PKHD1L1: variants seen among roughly 807,000 people sequenced by gnomAD.
PKHD1L1 encodes the protein fibrocystin-L.
PKHD1L1 carries 434 observed loss-of-function variants against 462.9 expected under a neutral mutation model. The observed-to-expected ratio is 0.94, with a 90% confidence interval of 0.87 to 1.02. The LOEUF (loss-of-function observed/expected upper bound fraction) is 1.02, where lower values mean the gene tolerates loss of function less well. Ranked by LOEUF, PKHD1L1 falls within the 50% of genes least tolerant of loss-of-function variation. The pLI is 0.00. For missense variants in PKHD1L1, 5,202 were observed against 5,096.1 expected, an observed-to-expected ratio of 1.02 and a Z score of -0.63; for synonymous variants, 1,781 against 1,750.0, an observed-to-expected ratio of 1.02 and a Z score of -0.44.
chr8:109,526,967 T>G lies in PKHD1L1; in HGVS notation c.12668T>G (p.Met4223Arg), dbSNP rs765897402. Residue 4223 changes from methionine to arginine, a missense_variant, in exon 77 of 78, where the codon ATG (methionine) becomes AGG (arginine). Met to Arg is a moderately conservative substitution (Grantham distance 91). Around this residue, in one of 3 missense-constraint regions of PKHD1L1, gnomAD observed 698 missense variants for 736.3 expected, o/e 0.95. Transcript: ENST00000378402. ...GTAATTAGCTGTCTGGTTGGAAGAA[T>G]GTGGCTCTTGGAAATATTTATGGCT... ...TVVISCLVGRMWLLEIFMAAV... is the reference protein window; with the variant it reads ...TVVISCLVGRRWLLEIFMAAV... The G allele has an allele frequency of 7.4e-6, 12 of 1,613,818 alleles. No homozygotes were observed. The highest frequency in any genetic ancestry group is 8.5e-6 in the Non-Finnish European group (10 of 1,179,818).
In PKHD1L1 at chr8:109,364,674, G is replaced by A. The variant is rs752873795; in HGVS notation, c.163+38G>A. 1.4e-5 allele frequency: 17 copies of A among 1,207,316 alleles called. No individual in the cohort carries two copies. The Middle Eastern group carries it at 7.6e-4, about 54-fold the overall frequency. The allele number at this position is 1,207,316 out of a possible 1,614,324, so 74.8% of individuals were successfully genotyped here. On this transcript the variant is annotated intron_variant, in intron 2 of 77. Coordinates refer to ENST00000378402, the MANE Select transcript of PKHD1L1 (RefSeq NM_177531.6). ...TTTTTTTTTTTTTTTTGCCAAGGTT[G>A]AGGTATTTTCAAGCCTATTTCATAT...
intron 23 of PKHD1L1, among the ~76,000 whole-genome samples, chr8:109,423,763 T>G (rs1814595276): frequency 6.6e-6 from 1 of 152,198 alleles, no homozygotes; most frequent in Non-Finnish European, 1.5e-5. Flanking sequence ...GAACACAGTA[T>G]GTCTCTCCAA....
chr8:109,392,574 A>G (rs1247126642), intron 9 of PKHD1L1, among the ~76,000 whole-genome samples: 1 of 152,046 alleles, frequency 6.6e-6, no homozygotes, highest in Non-Finnish European at 1.5e-5. Context: ...GTTTCTGTAT[A>G]AAGTATTCTT....
intron 58 of PKHD1L1, among the ~76,000 whole-genome samples, chr8:109,485,528 C>G (rs1818483204): frequency 6.6e-6 from 1 of 151,910 alleles, no homozygotes; most frequent in Non-Finnish European, 1.5e-5. Context: ...TGGATATAGT[C>G]TTTAGCGGTA....
At chr8:109,511,681 A>G (rs1189203643) in intron 71 of PKHD1L1, among the ~76,000 whole-genome samples, 1 of 152,100 alleles carries the variant, frequency 6.6e-6, no homozygotes, top group African/African-American at 2.4e-5. Flanking sequence ...TTATAGAAGC[A>G]TGATTTATAG....
intron 71 of PKHD1L1, among the ~76,000 whole-genome samples, 197 bp downstream of exon 71, chr8:109,511,131 C>T (rs1239966553): frequency 6.6e-6 from 1 of 152,112 alleles, no homozygotes; most frequent in East Asian, 1.9e-4. Context: ...CCAAGCATCA[C>T]CATCATCCCC....
intron 64 of PKHD1L1, 41 bp from the exon 65 acceptor site, chr8:109,497,109 G>C: frequency 6.2e-7 from 1 of 1,612,740 alleles, no homozygotes; most frequent in South Asian, 1.1e-5. Flanking sequence ...TTTCTTTTAT[G>C]ATTGTCCTTA....
intron 23 of PKHD1L1, among the ~76,000 whole-genome samples, chr8:109,422,796 T>C (rs984529072): frequency 9.2e-5 from 14 of 152,062 alleles, no homozygotes; most frequent in African/African-American, 3.4e-4. Flanking sequence ...AACTACCATA[T>C]TTTTTTTCTG....
chr8:109,400,141 GAATACAATGAAA>G lies in PKHD1L1; in HGVS notation c.1081_1092del (p.Tyr361_Lys364del). The G allele has an allele frequency of 6.2e-7, 1 of 1,612,746 alleles. No individual in the cohort carries two copies. Among genetic ancestry groups the G allele is most frequent in the Non-Finnish European group, 8.5e-7 (1 of 1,179,350 alleles). ...TCCAATACGTTTGGAAGAGATACTG[GAATACAATGAAA>G]AAACGCCTGGGTACATGGGTGCCAG... On this transcript the variant is annotated inframe_deletion, in exon 13 of 78. Coordinates refer to ENST00000378402, the MANE Select transcript of PKHD1L1 (RefSeq NM_177531.6).
At position 109,480,047 on chromosome 8, in the gene PKHD1L1, G is replaced by C. The variant is rs576102309; in HGVS notation, c.9235G>C (p.Gly3079Arg). Reference protein sequence around the residue: ...MPSMERLIIWGVLELEDKYNV... With the variant: ...MPSMERLIIWRVLELEDKYNV... ...ATCAATGGAAAGACTCATTATTTGG[G>C]GGGTTCTAGAACTGGAAGATAAATA... Residue 3079 changes from glycine (G) to arginine (R), a missense_variant, in exon 55 of 78, where the codon GGG (glycine) becomes CGG (arginine). Gly to Arg is a moderately radical substitution (Grantham distance 125). This residue lies in a region of PKHD1L1 where 4,497 missense variants were observed against 4,336.8 expected (regional missense o/e 1.04). Transcript: ENST00000378402. 6.3e-7 allele frequency: 1 copy of C among 1,594,074 alleles called. No individual in the cohort carries two copies. The highest frequency in any genetic ancestry group is 1.2e-5 in the South Asian group (1 of 86,682).
At chr8:109,518,822 G>T in intron 73 of PKHD1L1, among the ~76,000 whole-genome samples, 1 of 152,162 alleles carries the variant, frequency 6.6e-6, no homozygotes, top group Non-Finnish European at 1.5e-5. Flanking sequence ...GATTAAGGAT[G>T]AAGATAGTCA....
intron 2 of PKHD1L1, among the ~76,000 whole-genome samples, chr8:109,378,788 T>G (rs1221338034): frequency 6.6e-6 from 1 of 152,168 alleles, no homozygotes; most frequent in African/African-American, 2.4e-5. Flanking sequence ...CGAAGAGGAC[T>G]TCACTAGTTG....
At chr8:109,369,267 G>A (rs937043488) in intron 2 of PKHD1L1, among the ~76,000 whole-genome samples, 5 of 152,116 alleles carry the variant, frequency 3.3e-5, no homozygotes, top group African/African-American at 4.8e-5. Context: ...GTGAGCCACC[G>A]CACCTGGCCT....
intron 2 of PKHD1L1, among the ~76,000 whole-genome samples, chr8:109,367,385 TG>T (rs1477775455): frequency 6.6e-6 from 1 of 152,370 alleles, no homozygotes; most frequent in East Asian, 1.9e-4. Flanking sequence ...TATTACTTTT[TG>T]AAATGTTTTA....
intron 67 of PKHD1L1, among the ~76,000 whole-genome samples, chr8:109,503,392 T>C (rs746404200): frequency 1.2e-4 from 19 of 152,166 alleles, no homozygotes; most frequent in Non-Finnish European, 2.5e-4. Flanking sequence ...TTGGGTGCAC[T>C]GGCCCAGTAA....
chr8:109,444,679 C>T lies in PKHD1L1; in HGVS notation c.4810C>T (p.Pro1604Ser), dbSNP rs758035422. The T allele has an allele frequency of 3.1e-6, 5 of 1,612,588 alleles. No homozygotes were observed. The East Asian group carries it at 8.9e-5, about 29-fold the overall frequency. The change falls in exon 38 of 78, where the codon CCC becomes TCC. Residue 1604 changes from proline to serine, a missense_variant. Coordinates refer to ENST00000378402, the MANE Select transcript of PKHD1L1 (RefSeq NM_177531.6). ...WANKVTIGSY[P>S]CVVEESSEDS... ...CTTACAGGTTACAATTGGTAGCTAC[C>T]CCTGTGTCGTAGAAGAAAGTAGTGA...
chr8:109,375,004 T>A (rs1373158029), intron 2 of PKHD1L1, among the ~76,000 whole-genome samples: 4 of 152,164 alleles, frequency 2.6e-5, no homozygotes, highest in Non-Finnish European at 4.4e-5. Flanking sequence ...TTGAGGAGTA[T>A]CTTTGTGGCC....
chr8:109,380,303 G>C (rs1812046182), intron 2 of PKHD1L1, among the ~76,000 whole-genome samples: 1 of 151,968 alleles, frequency 6.6e-6, no homozygotes. Context: ...TTAATATGTA[G>C]GCCATGAGTA....
chr8:109,493,693 T>C lies in PKHD1L1; in HGVS notation c.10269T>C (p.Asn3423=). ...GAGGGACCAATACAGTTTTACAGAA[T>C]AATGTAGTGGCTGGATTTGGAAGAG... The part of the protein sequence containing the change: ...INRGTNTVLQ[N]NVVAGFGRAG... The change falls in exon 63 of 78, where the codon AAT becomes AAC. Residue 3423 remains asparagine, a synonymous_variant. Transcript: ENST00000378402. The C allele has an allele frequency of 1.2e-6, 2 of 1,609,854 alleles. No homozygotes were observed. The highest frequency in any genetic ancestry group is 1.7e-6 in the Non-Finnish European group (2 of 1,177,658).
Sources: gnomAD v4.1 joint callset for allele counts (sites outside exome capture counted in the v4.1 genomes callset) on GRCh38, gnomAD v4.1.1 for gene constraint, gnomAD v4.1.1 regional missense constraint, MANE v1.5 for transcripts, NCBI Gene and HGNC (gene_info 2026-07-23, HGNC 2026-07-21) for gene names.